Variants in GPRIN3 observed in about 807,000 individuals in gnomAD.
GPRIN3 encodes the protein G protein-regulated inducer of neurite outgrowth 3.
GPRIN3 carries 12 observed loss-of-function variants against 13.7 expected under a neutral mutation model. The ratio of observed to expected loss-of-function variants is 0.87; its 90% CI spans 0.56 to 1.42. GPRIN3 has a LOEUF of 1.42. Among genes scored for constraint, GPRIN3 ranks in the 40% most tolerant of loss-of-function variants. The pLI, the probability that GPRIN3 is intolerant of heterozygous loss-of-function variation, is 0.00. For synonymous variants in GPRIN3, 377 were observed against 372.7 expected, an observed-to-expected ratio of 1.01 and a Z score of -0.13; for missense variants, 1,009 against 958.7, an observed-to-expected ratio of 1.05 and a Z score of -0.69.
chr4:89,303,899 CAT>C (rs10562881), intron 1 of GPRIN3, among the ~76,000 whole-genome samples: 54,688 of 151,512 alleles, frequency 0.36, 10,210 homozygotes, highest in Admixed American at 0.46. Context: ...AAAAGTAACT[CAT>C]GTAATATTTC....
rs970802744 is a variant in GPRIN3, at chr4:89,248,563, G to A, written c.1548C>T (p.Gly516=). Residue 516 remains glycine (G), a synonymous_variant, in exon 2 of 2, where the codon GGC becomes GGT. Transcript: ENST00000609438. ...CAGAATGATCAGCTTTGCTGATAGA[G>A]CCACAAGAGTCAGATAGTTTGCAAT... ...DPDCKLSDSC[G]SISKADHSGS... is the part of the protein sequence containing the mutation. The A allele has an allele frequency of 5.0e-6, 8 of 1,613,240 alleles. No individual in the cohort carries two copies. The highest frequency in any genetic ancestry group is 1.6e-4 in the Middle Eastern group (1 of 6,062).
At chr4:89,297,461 GT>G (rs1161356393) in intron 1 of GPRIN3, among the ~76,000 whole-genome samples, 8 of 152,094 alleles carry the variant, frequency 5.3e-5, no homozygotes, top group African/African-American at 1.9e-4. Context: ...CATGTGTTTA[GT>G]TGGTCTTTCA....
chr4:89,286,091 G>GTATATATATA (rs35444036), intron 1 of GPRIN3, among the ~76,000 whole-genome samples: 274 of 146,716 alleles, frequency 1.9e-3, no homozygotes, highest in African/African-American at 6.5e-3. Context: ...ATGTGTGTGT[G>GTATATATATA]TATATATATA....
intron 1 of GPRIN3, among the ~76,000 whole-genome samples, chr4:89,257,320 A>T (rs2149261868): frequency 6.6e-6 from 1 of 152,286 alleles, no homozygotes; most frequent in South Asian, 2.1e-4. Context: ...ACTGAATTCC[A>T]CTGTAAGCAA....
At chr4:89,268,116 G>C (rs1012447430) in intron 1 of GPRIN3, among the ~76,000 whole-genome samples, 2 of 152,168 alleles carry the variant, frequency 1.3e-5, no homozygotes, top group African/African-American at 4.8e-5. Flanking sequence ...GAAGTTACTA[G>C]AGGTTTTCCA....
intron 1 of GPRIN3, among the ~76,000 whole-genome samples, chr4:89,303,537 G>T (rs967777769): frequency 6.6e-6 from 1 of 152,102 alleles, no homozygotes; most frequent in South Asian, 2.1e-4. Flanking sequence ...TAGGAAAATA[G>T]ATCTTAGTCA....
chr4:89,259,752 A>G (rs1418652707), intron 1 of GPRIN3, among the ~76,000 whole-genome samples: 2 of 151,776 alleles, frequency 1.3e-5, no homozygotes, highest in Non-Finnish European at 2.9e-5. Flanking sequence ...CTTCCACTCC[A>G]CTTGCTTGCC....
chr4:89,250,268 A>T, intron 1 of GPRIN3, 35 bp from the exon 2 acceptor site: 1 of 1,380,712 alleles, frequency 7.2e-7, no homozygotes, highest in Non-Finnish European at 9.5e-7. Context: ...TTAATACAGT[A>T]CGTCGCTTAA....
In GPRIN3 at chr4:89,261,032, C is replaced by T. The variant is rs536302041; in HGVS notation, c.-123-10799G>A. Among the ~76,000 whole-genome samples the T allele has an allele frequency of 7.9e-5, 12 of 152,134 alleles. No individual in the cohort carries two copies. The East Asian group carries it at 2.3e-3, about 29-fold the overall frequency. ...AAACACAACCCCCGCCCCCCAATGT[C>T]CTATAGAAGTACAGAGGATTTGTCA... On this transcript the variant is annotated intron_variant, in intron 1 of 1. Coordinates refer to ENST00000609438, the MANE Select transcript of GPRIN3 (RefSeq NM_198281.3).
In GPRIN3 at chr4:89,241,506, A is replaced by G. The variant is rs1722945729; in HGVS notation, c.*6274T>C. The G allele has an allele frequency of 6.6e-6, 1 of 152,250 alleles. No individual in the cohort carries two copies. The highest frequency in any genetic ancestry group is 1.5e-5 in the Non-Finnish European group (1 of 68,038). The allele number at this position is 152,250 out of a possible 1,614,324, so 9.4% of individuals were successfully genotyped here. On this transcript the variant is annotated 3_prime_UTR_variant, in exon 2 of 2. Transcript: ENST00000609438. ...TAGTACAGCAGAGATACACACATTT[A>G]GAAAATTAGTAATTGCTAGTATATA...
At position 89,249,402 on chromosome 4, in the gene GPRIN3, G is replaced by A. The variant is rs776486811; in HGVS notation, c.709C>T (p.Pro237Ser). The change falls in exon 2 of 2, where the codon CCT becomes TCT. Residue 237 changes from proline (P) to serine (S), a missense_variant. Pro to Ser is a moderately conservative substitution (Grantham distance 74, BLOSUM62 -1). Transcript: ENST00000609438. ...ICDSEMRSCK[P>S]LTRESGCSEN... Reference sequence around the variant, plus strand: ...GAACATCCAGATTCTCTAGTTAGAGGTTTACAGGACCTCATTTCAGAGTCA... The same window carrying A: ...GAACATCCAGATTCTCTAGTTAGAGATTTACAGGACCTCATTTCAGAGTCA... 6.2e-7 allele frequency: 1 copy of A among 1,614,088 alleles called. No homozygotes were observed. Among genetic ancestry groups the A allele is most frequent in the South Asian group, 1.1e-5 (1 of 91,074 alleles).
At chr4:89,254,829 T>G (rs554492293) in intron 1 of GPRIN3, among the ~76,000 whole-genome samples, 66 of 152,320 alleles carry the variant, frequency 4.3e-4, no homozygotes, top group Non-Finnish European at 8.8e-4. Context: ...TGGAACTCTT[T>G]CCCTTTTTCC....
At chr4:89,270,287 C>A (rs1723894998) in intron 1 of GPRIN3, among the ~76,000 whole-genome samples, 1 of 151,428 alleles carries the variant, frequency 6.6e-6, no homozygotes. Context: ...AACCTGGCGA[C>A]TAAGTAAGTC....
rs1371576005 is a variant in GPRIN3, at chr4:89,239,114, G to T, written c.*8666C>A. 6.6e-6 allele frequency: 1 copy of T among 151,998 alleles called. No individual in the cohort carries two copies. Among genetic ancestry groups the T allele is most frequent in the Non-Finnish European group, 1.5e-5 (1 of 67,976 alleles). The allele number at this position is 151,998 out of a possible 1,614,324, so 9.4% of individuals were successfully genotyped here. ...CTGGAGGATGAGAACTTTCTGAAAT[G>T]ATTTTATGGCCTTTGTAAACATTAT... On this transcript the variant is annotated 3_prime_UTR_variant, in exon 2 of 2. Coordinates refer to ENST00000609438, the MANE Select transcript of GPRIN3 (RefSeq NM_198281.3).
Position 89,269,777 on chromosome 4 carries a change from A to G in GPRIN3, c.-123-19544T>C, listed in dbSNP as rs545969192. Among the ~76,000 whole-genome samples, 7 of 152,318 alleles carry G rather than the reference A, an allele frequency of 4.6e-5. No homozygotes were observed. The East Asian group carries it at 1.4e-3, about 29-fold the overall frequency. On this transcript the variant is annotated intron_variant, in intron 1 of 1. Transcript: ENST00000609438. ...AAAGATGATTAGGTGCTACAAAATAATCCAATCTCTTGCTATGTGGTTTGA... is the reference window on the plus strand; with the variant it reads ...AAAGATGATTAGGTGCTACAAAATAGTCCAATCTCTTGCTATGTGGTTTGA...
At chr4:89,254,338 G>A (rs1278135364) in intron 1 of GPRIN3, among the ~76,000 whole-genome samples, 2 of 151,846 alleles carry the variant, frequency 1.3e-5, no homozygotes, top group Non-Finnish European at 2.9e-5. Context: ...CAGTTATTAA[G>A]CCTAGTACCC....
intron 1 of GPRIN3, among the ~76,000 whole-genome samples, chr4:89,264,024 T>A (rs1216486723): frequency 6.6e-6 from 1 of 152,358 alleles, no homozygotes; most frequent in East Asian, 1.9e-4. Flanking sequence ...TCCATTTCTC[T>A]TCTTCTATAT....
Position 89,273,344 on chromosome 4 carries a change from A to G in GPRIN3, c.-123-23111T>C, listed in dbSNP as rs561350380. 8.5e-5 allele frequency among the ~76,000 whole-genome samples: 13 copies of G among 152,318 alleles called. 1 individual carries two copies. The highest frequency in any genetic ancestry group is 2.6e-4 in the African/African-American group (11 of 41,570). ...AACAGATTTATGGCAACAGAGCCTC[A>G]CCACTCCTACCTCTGTAATTGCTAG... On this transcript the variant is annotated intron_variant, in intron 1 of 1. Coordinates refer to ENST00000609438, the MANE Select transcript of GPRIN3 (RefSeq NM_198281.3).
chr4:89,252,658 A>G (rs891566772), intron 1 of GPRIN3, among the ~76,000 whole-genome samples: 1 of 152,212 alleles, frequency 6.6e-6, no homozygotes, highest in African/African-American at 2.4e-5. Context: ...ATAAGATCTA[A>G]CAATAAATAG....
Sources: gnomAD v4.1 joint callset for allele counts (sites outside exome capture counted in the v4.1 genomes callset) on GRCh38, gnomAD v4.1.1 for gene constraint, MANE v1.5 for transcripts, NCBI Gene and HGNC (gene_info 2026-07-23, HGNC 2026-07-21) for gene names.